DCLK2: variants seen among roughly 807,000 people sequenced by gnomAD.
DCLK2 encodes serine/threonine-protein kinase DCLK2.
A neutral mutation model predicts 78.4 loss-of-function variants in DCLK2; 31 were observed. The ratio of observed to expected loss-of-function variants is 0.40; its 90% CI spans 0.30 to 0.53. DCLK2 has a LOEUF of 0.53. Ranked by LOEUF, DCLK2 falls within the 20% of genes least tolerant of loss-of-function variation. The pLI, the probability that DCLK2 is intolerant of heterozygous loss-of-function variation, is 0.61. For synonymous variants in DCLK2, 407 were observed against 374.9 expected, an observed-to-expected ratio of 1.09 and a Z score of -0.99; for missense variants, 872 against 973.7, an observed-to-expected ratio of 0.90 and a Z score of 1.39.
intron 1 of DCLK2, among the ~76,000 whole-genome samples, chr4:150,085,748 A>G (rs1201015463): frequency 1.3e-5 from 2 of 152,176 alleles, no homozygotes; most frequent in Non-Finnish European, 2.9e-5. Flanking sequence ...GAGTGAACCA[A>G]GAGCCCTCAC....
chr4:150,088,134 T>C (rs1357554288), intron 1 of DCLK2, among the ~76,000 whole-genome samples: 3 of 152,202 alleles, frequency 2.0e-5, no homozygotes, highest in Non-Finnish European at 4.4e-5. Context: ...ATCATCTTGG[T>C]CTCTTTACTT....
intron 2 of DCLK2, among the ~76,000 whole-genome samples, chr4:150,189,192 C>CT (rs1200703512): frequency 6.6e-6 from 1 of 151,266 alleles, no homozygotes; most frequent in Non-Finnish European, 1.5e-5. Flanking sequence ...TGCAATTTCC[C>CT]TTTTTAAAAA....
intron 1 of DCLK2, among the ~76,000 whole-genome samples, chr4:150,091,769 ATGTGTG>A (rs57146406): frequency 0.39 from 46,086 of 116,696 alleles, 7,387 homozygotes; most frequent in Non-Finnish European, 0.49. Flanking sequence ...AGGAACATTT[ATGTGTG>A]TGTGTGTGTG....
chr4:150,191,434 G>A lies in DCLK2; in HGVS notation c.757-1704G>A, dbSNP rs151311742. On this transcript the variant is annotated intron_variant, in intron 2 of 15. Transcript: ENST00000296550. Reference sequence around the variant, plus strand: ...GGCCATGTCAGGAGTCCAGGTAAGAGAGAAGGAACCAAGGAATAGAAGTAG... The same window carrying A: ...GGCCATGTCAGGAGTCCAGGTAAGAAAGAAGGAACCAAGGAATAGAAGTAG... 3.9e-5 allele frequency among the ~76,000 whole-genome samples: 6 copies of A among 152,196 alleles called. No individual in the cohort carries two copies. The East Asian group carries it at 1.2e-3, about 29-fold the overall frequency.
At chr4:150,216,258 C>T (rs559991616) in intron 5 of DCLK2, among the ~76,000 whole-genome samples, 3 of 152,326 alleles carry the variant, frequency 2.0e-5, no homozygotes, top group South Asian at 2.1e-4. Flanking sequence ...ATCAGATGTC[C>T]TTCATCAGCC....
intron 2 of DCLK2, among the ~76,000 whole-genome samples, chr4:150,117,830 C>T (rs1324886528): frequency 6.6e-6 from 1 of 152,164 alleles, no homozygotes; most frequent in African/African-American, 2.4e-5. Flanking sequence ...TGTTAAGTTC[C>T]TCTGTTGCTT....
intron 5 of DCLK2, among the ~76,000 whole-genome samples, chr4:150,218,779 C>T (rs908744825): frequency 2.0e-5 from 3 of 152,204 alleles, no homozygotes; most frequent in Non-Finnish European, 2.9e-5. Context: ...GTCCACCATG[C>T]TTCCTGACCA....
chr4:150,249,126 C>T (rs1743551327), intron 14 of DCLK2, among the ~76,000 whole-genome samples: 1 of 152,066 alleles, frequency 6.6e-6, no homozygotes, highest in African/African-American at 2.4e-5. Flanking sequence ...GGTTCTTGGA[C>T]CAAGTAGCTA....
chr4:150,216,242 C>T (rs1740711013), intron 5 of DCLK2, among the ~76,000 whole-genome samples: 1 of 152,240 alleles, frequency 6.6e-6, no homozygotes, highest in African/African-American at 2.4e-5. Context: ...TGGAGTGTTG[C>T]TCATCATCAG....
intron 2 of DCLK2, among the ~76,000 whole-genome samples, chr4:150,121,258 A>G (rs1226320934): frequency 1.3e-5 from 1 of 79,368 alleles, no homozygotes; most frequent in South Asian, 3.4e-4. Flanking sequence ...TTTTAGCCAC[A>G]GTAGAACTTC....
chr4:150,176,817 G>T (rs569258224), intron 2 of DCLK2, among the ~76,000 whole-genome samples: 7 of 152,200 alleles, frequency 4.6e-5, no homozygotes, highest in Admixed American at 1.3e-4. Flanking sequence ...CCCCAGGGAG[G>T]GGATGGTTAT....
chr4:150,197,979 A>C (rs764234378), intron 3 of DCLK2, 23 bp from the exon 4 acceptor site: 6 of 1,590,036 alleles, frequency 3.8e-6, no homozygotes, highest in Non-Finnish European at 5.1e-6. Flanking sequence ...AGATTTAGTT[A>C]ATGCACTTTT....
intron 2 of DCLK2, among the ~76,000 whole-genome samples, chr4:150,153,360 C>T (rs1735025121): frequency 6.6e-6 from 1 of 152,052 alleles, no homozygotes; most frequent in Non-Finnish European, 1.5e-5. Context: ...GAGTAATGCT[C>T]CAGGCCTGCC....
rs548076582 is a variant in DCLK2, at chr4:150,164,046, T to G, written c.757-29092T>G. ...TTGGCCTCTGAAAGTGCTGGAATTA[T>G]AGGCATAAGCCACTGCACCAGCCTA... is the stretch of plus-strand genomic sequence containing the variant. On this transcript the variant is annotated intron_variant, in intron 2 of 15. Coordinates refer to ENST00000296550, the MANE Select transcript of DCLK2 (RefSeq NM_001040260.4). 3.9e-5 allele frequency among the ~76,000 whole-genome samples: 6 copies of G among 152,334 alleles called. No individual in the cohort carries two copies. The East Asian group carries it at 1.2e-3, about 29-fold the overall frequency.
intron 2 of DCLK2, among the ~76,000 whole-genome samples, chr4:150,105,097 C>T (rs1214018669): frequency 2.0e-5 from 3 of 151,928 alleles, no homozygotes; most frequent in Admixed American, 1.3e-4. Context: ...TCATACCACA[C>T]CAAAAATAAA....
In DCLK2 at chr4:150,198,913, C is replaced by G. The variant is rs952074889; in HGVS notation, c.961+810C>G. 7.0e-4 allele frequency: 391 copies of G among 561,408 alleles called. 26 individuals are homozygous for G. The highest frequency in any genetic ancestry group is 5.9e-3 in the African/African-American group (313 of 52,862). The allele number at this position is 561,408 out of a possible 1,614,324, so 34.8% of individuals were successfully genotyped here. A position where few individuals can be genotyped will look rare whatever the true frequency, so the allele number is the denominator to read the frequency against. On this transcript the variant is annotated intron_variant, in intron 4 of 15. Coordinates refer to ENST00000296550, the MANE Select transcript of DCLK2 (RefSeq NM_001040260.4). The stretch of plus-strand genomic sequence containing the variant: ...ATTCGCCCTTTCCCCTTTCAGCACC[C>G]CCCCCCCCACTTTCTGTAGGGCAGG...
chr4:150,154,403 G>C (rs1280962312), intron 2 of DCLK2, among the ~76,000 whole-genome samples: 2 of 152,198 alleles, frequency 1.3e-5, no homozygotes, highest in African/African-American at 4.8e-5. Context: ...ATTGGAACCT[G>C]TTCTCTTAAG....
intron 2 of DCLK2, among the ~76,000 whole-genome samples, chr4:150,108,493 G>A (rs374381437): frequency 6.6e-6 from 1 of 151,780 alleles, no homozygotes; most frequent in African/African-American, 2.4e-5. Context: ...GCAGTGAGCC[G>A]AGATCTCGCC....
intron 2 of DCLK2, among the ~76,000 whole-genome samples, chr4:150,175,215 T>TGATATATATTTATAATTTATATA (rs1736979470): frequency 8.2e-6 from 1 of 122,274 alleles, no homozygotes; most frequent in Non-Finnish European, 1.7e-5. Flanking sequence ...TTATATATAT[T>TGATATATATTTATAATTTATATA]TATCTATATA....
Sources: allele counts gnomAD v4.1 joint callset (sites outside exome capture counted in the v4.1 genomes callset), GRCh38; gene constraint gnomAD v4.1.1; transcripts MANE v1.5; gene names NCBI Gene and HGNC (gene_info 2026-07-23, HGNC 2026-07-21).